EYS: variants seen among roughly 807,000 people sequenced by gnomAD.
EYS encodes the protein EGF-like photoreceptor maintenance factor.
A neutral mutation model predicts 282.1 loss-of-function variants in EYS; 250 were observed. That is an observed-to-expected ratio of 0.89 (90% CI 0.80 to 0.98). The LOEUF is 0.98. Ranked by LOEUF, EYS falls within the 50% of genes least tolerant of loss-of-function variation. The pLI is 0.00. For synonymous variants in EYS, 1,355 were observed against 1,282.9 expected, an observed-to-expected ratio of 1.06 and a Z score of -1.20; for missense variants, 4,016 against 3,709.0, an observed-to-expected ratio of 1.08 and a Z score of -2.15.
At chr6:64,186,271 AC>A (rs1764943459) in intron 31 of EYS, among the ~76,000 whole-genome samples, 1 of 151,862 alleles carries the variant, frequency 6.6e-6, no homozygotes, top group Admixed American at 6.6e-5. Context: ...ACACACACAC[AC>A]ACACACACAC....
At chr6:64,500,128 A>AT (rs1374802831) in intron 26 of EYS, among the ~76,000 whole-genome samples, 2 of 152,144 alleles carry the variant, frequency 1.3e-5, no homozygotes, top group African/African-American at 4.8e-5. Context: ...AAATGTAATC[A>AT]TTTTTTTCAG....
chr6:64,945,618 C>T (rs1162073173), intron 15 of EYS, among the ~76,000 whole-genome samples, 175 bp downstream of exon 15: 2 of 152,046 alleles, frequency 1.3e-5, no homozygotes, highest in African/African-American at 4.8e-5. Context: ...ATCTGCCCTT[C>T]AGTGTTTTCA....
At chr6:65,537,736 T>C (rs1370258683) in intron 2 of EYS, among the ~76,000 whole-genome samples, 1 of 152,174 alleles carries the variant, frequency 6.6e-6, no homozygotes, top group Non-Finnish European at 1.5e-5. Context: ...CTTGCAGATA[T>C]GCAAAATACT....
chr6:64,462,646 C>A (rs1200497646), intron 26 of EYS, among the ~76,000 whole-genome samples: 2 of 151,982 alleles, frequency 1.3e-5, no homozygotes, highest in African/African-American at 4.8e-5. Context: ...TTTCAGTTTC[C>A]AAATTCTCAG....
intron 5 of EYS, among the ~76,000 whole-genome samples, chr6:65,422,408 A>C (rs113675745): frequency 0.061 from 9,203 of 151,966 alleles, 361 homozygotes; most frequent in African/African-American, 0.11. Flanking sequence ...ATTGACATGT[A>C]GCAATAAACA....
chr6:65,065,407 G>A (rs2150162270), intron 12 of EYS, among the ~76,000 whole-genome samples: 1 of 150,026 alleles, frequency 6.7e-6, no homozygotes, highest in Middle Eastern at 3.4e-3. Flanking sequence ...TTTTGAGATG[G>A]AGTATCGCTC....
chr6:64,609,418 T>C (rs1193832092), intron 24 of EYS, among the ~76,000 whole-genome samples: 1 of 152,094 alleles, frequency 6.6e-6, no homozygotes. Context: ...TTTGAGCAAC[T>C]GAAGGCTAAA....
chr6:64,128,555 T>C (rs985323848), intron 31 of EYS, among the ~76,000 whole-genome samples: 2 of 152,056 alleles, frequency 1.3e-5, no homozygotes, highest in African/African-American at 2.4e-5. Context: ...CAGACAGAAA[T>C]GTAAGGGCTG....
At chr6:65,091,162 G>C (rs749038212) in intron 12 of EYS, among the ~76,000 whole-genome samples, 1 of 151,136 alleles carries the variant, frequency 6.6e-6, no homozygotes, top group Non-Finnish European at 1.5e-5. Context: ...TGCCAGGCAC[G>C]GTGGCTTAAG....
chr6:64,954,637 A>C (rs1206627542), intron 14 of EYS, among the ~76,000 whole-genome samples: 1 of 152,188 alleles, frequency 6.6e-6, no homozygotes, highest in Non-Finnish European at 1.5e-5. Context: ...AATCACTTGT[A>C]AGTTTTGAAC....
chr6:65,506,898 T>A (rs1766680256), intron 2 of EYS, among the ~76,000 whole-genome samples: 1 of 152,194 alleles, frequency 6.6e-6, no homozygotes, highest in Non-Finnish European at 1.5e-5. Flanking sequence ...ACATGACTGT[T>A]ATTTCACCTA....
chr6:65,184,208 G>T (rs1025474836), intron 12 of EYS, among the ~76,000 whole-genome samples: 1 of 151,886 alleles, frequency 6.6e-6, no homozygotes, highest in African/African-American at 2.4e-5. Flanking sequence ...ATAAGGAGCA[G>T]AAATGTATAG....
intron 22 of EYS, among the ~76,000 whole-genome samples, chr6:64,786,225 T>C (rs1583157157): frequency 7.1e-6 from 1 of 140,616 alleles, no homozygotes; most frequent in East Asian, 2.1e-4. Flanking sequence ...AAGCAGAGGG[T>C]TTAATAGGCA....
chr6:64,958,039 A>AT (rs533827638), intron 14 of EYS, among the ~76,000 whole-genome samples: 1 of 151,982 alleles, frequency 6.6e-6, no homozygotes, highest in Non-Finnish European at 1.5e-5. Flanking sequence ...ATTTATTAGG[A>AT]TTTTTTTCTG....
At chr6:64,676,894 C>G (rs1329595434) in intron 22 of EYS, among the ~76,000 whole-genome samples, 1 of 152,114 alleles carries the variant, frequency 6.6e-6, no homozygotes, top group East Asian at 1.9e-4. Context: ...CTCTTAATAC[C>G]GTCACCTTGG....
chr6:64,303,609 G>A (rs923220375), intron 30 of EYS, among the ~76,000 whole-genome samples: 13 of 151,970 alleles, frequency 8.6e-5, no homozygotes, highest in Admixed American at 5.9e-4. Context: ...TTGGGAGGCC[G>A]AGACGGGCGG....
intron 31 of EYS, among the ~76,000 whole-genome samples, chr6:64,190,481 A>G (rs951839765): frequency 6.6e-6 from 1 of 152,204 alleles, no homozygotes; most frequent in African/African-American, 2.4e-5. Context: ...CCAGGCATTG[A>G]CATTTACATT....
At chr6:65,647,178 A>G (rs924317648) in intron 1 of EYS, among the ~76,000 whole-genome samples, 2 of 152,198 alleles carry the variant, frequency 1.3e-5, no homozygotes, top group Non-Finnish European at 2.9e-5. Context: ...AAAAATTTAT[A>G]CGGAACTAAA....
chr6:64,599,729 A>G (rs1766704118), intron 24 of EYS, among the ~76,000 whole-genome samples: 1 of 152,160 alleles, frequency 6.6e-6, no homozygotes. Flanking sequence ...GAGCTAGAAA[A>G]TGGCAGAGCA....
Sources: gnomAD v4.1 joint callset for allele counts (sites outside exome capture counted in the v4.1 genomes callset) on GRCh38, gnomAD v4.1.1 for gene constraint, MANE v1.5 for transcripts, NCBI Gene and HGNC (gene_info 2026-07-23, HGNC 2026-07-21) for gene names.